Variants in SCHIP1 observed in about 807,000 individuals in gnomAD.
SCHIP1 encodes schwannomin interacting protein 1.
A neutral mutation model predicts 29.7 loss-of-function variants in SCHIP1; 8 were observed. That is an observed-to-expected ratio of 0.27 (90% CI 0.16 to 0.49). The LOEUF is 0.49. SCHIP1 is among the 20% of genes least tolerant of loss of function. SCHIP1 has a pLI of 0.99. For missense variants in SCHIP1, 193 were observed against 294.6 expected, an observed-to-expected ratio of 0.66 and a Z score of 2.52; for synonymous variants, 76 against 94.9, an observed-to-expected ratio of 0.80 and a Z score of 1.16.
the SCHIP1 span, among the ~76,000 whole-genome samples, chr3:159,592,943 AAC>A: frequency 5.3e-5 from 8 of 152,232 alleles, no homozygotes; most frequent in East Asian, 1.6e-3. Context: ...GACACAAATT[AAC>A]AGTTATCGAG....
the SCHIP1 span, among the ~76,000 whole-genome samples, chr3:159,615,867 G>A: frequency 2.0e-5 from 3 of 152,344 alleles, no homozygotes; most frequent in South Asian, 6.2e-4. Flanking sequence ...CAATGTACAT[G>A]TGCTGGAAAA....
chr3:159,703,525 T>C, the SCHIP1 span, among the ~76,000 whole-genome samples: 464 of 152,172 alleles, frequency 3.0e-3, 3 homozygotes, highest in Middle Eastern at 0.01. Context: ...CAGCAGGACA[T>C]ACCATAATAT....
the SCHIP1 span, among the ~76,000 whole-genome samples, chr3:159,575,173 C>T: frequency 2.0e-5 from 3 of 152,210 alleles, no homozygotes; most frequent in African/African-American, 4.8e-5. Context: ...AGAAATCACC[C>T]GTCTTCTTCG....
At chr3:159,619,328 C>T in the SCHIP1 span, among the ~76,000 whole-genome samples, 3 of 152,214 alleles carry the variant, frequency 2.0e-5, no homozygotes, top group Non-Finnish European at 4.4e-5. Context: ...CCAAAGATTG[C>T]TTCTCACCAA....
the SCHIP1 span, among the ~76,000 whole-genome samples, chr3:159,645,411 T>C: frequency 6.6e-6 from 1 of 152,236 alleles, no homozygotes; most frequent in East Asian, 1.9e-4. Flanking sequence ...TTGCCTTATA[T>C]CCTACAAAAA....
chr3:159,712,775 G>A, the SCHIP1 span, among the ~76,000 whole-genome samples: 1 of 150,908 alleles, frequency 6.6e-6, no homozygotes, highest in East Asian at 1.9e-4. Flanking sequence ...GGAAGAGAGA[G>A]AGGAAGAAAG....
At chr3:159,811,844 A>G in the SCHIP1 span, among the ~76,000 whole-genome samples, 1 of 152,148 alleles carries the variant, frequency 6.6e-6, no homozygotes, top group African/African-American at 2.4e-5. Context: ...TTTTATAGGA[A>G]TTATGTTGAA....
chr3:159,491,372 A>G, the SCHIP1 span, among the ~76,000 whole-genome samples: 2 of 152,236 alleles, frequency 1.3e-5, no homozygotes, highest in South Asian at 4.1e-4. Flanking sequence ...AAGGGGTGAC[A>G]AACGGCACCT....
the SCHIP1 span, among the ~76,000 whole-genome samples, chr3:159,369,601 T>A: frequency 6.6e-6 from 1 of 152,182 alleles, no homozygotes; most frequent in African/African-American, 2.4e-5. Context: ...ATATAGCTTT[T>A]AAATTCATAG....
At chr3:159,770,606 C>T in the SCHIP1 span, among the ~76,000 whole-genome samples, 5 of 152,144 alleles carry the variant, frequency 3.3e-5, no homozygotes, top group East Asian at 1.9e-4. Context: ...GAAATAAGAA[C>T]GGCTTGATCA....
the SCHIP1 span, among the ~76,000 whole-genome samples, chr3:159,288,518 A>G: frequency 4.6e-5 from 7 of 152,316 alleles, 1 homozygote; most frequent in African/African-American, 1.7e-4. Flanking sequence ...CGGGCGGATC[A>G]TCTGAGGTTG....
the SCHIP1 span, among the ~76,000 whole-genome samples, chr3:159,491,221 C>G: frequency 1.3e-5 from 2 of 152,190 alleles, no homozygotes; most frequent in Non-Finnish European, 2.9e-5. Context: ...ACTGAGGTAC[C>G]AGGTTCATCT....
At position 159,866,638 on chromosome 3, in the gene SCHIP1, A is replaced by T. The variant is rs943845934; in HGVS notation, c.149+357A>T. ...CAGACTACCAAATTTCCCATTAAGCAGTCCCAGATCACCCAGAATCACCCC... is the reference window on the plus strand; with the variant it reads ...CAGACTACCAAATTTCCCATTAAGCTGTCCCAGATCACCCAGAATCACCCC... On this transcript the variant is annotated intron_variant, in intron 2 of 6. Transcript: ENST00000445224. 3.3e-5 allele frequency among the ~76,000 whole-genome samples: 5 copies of T among 152,010 alleles called. No homozygotes were observed. In the East Asian group the frequency reaches 9.6e-4, roughly 29 times the overall value.
At chr3:159,759,136 A>G in the SCHIP1 span, among the ~76,000 whole-genome samples, 41 of 152,352 alleles carry the variant, frequency 2.7e-4, 1 homozygote, top group Middle Eastern at 3.4e-3. Context: ...AAATAAAAAC[A>G]TTTAATATGT....
chr3:159,566,852 G>A, the SCHIP1 span, among the ~76,000 whole-genome samples: 450 of 152,318 alleles, frequency 3.0e-3, 4 homozygotes, highest in African/African-American at 0.01. Context: ...TGTGTACCCA[G>A]GAAGTGGCAC....
the SCHIP1 span, chr3:159,765,076 G>C: frequency 6.4e-6 from 10 of 1,568,858 alleles, no homozygotes; most frequent in Non-Finnish European, 8.6e-6. Flanking sequence ...GCATCTGGCC[G>C]GGCTGCAGTT....
chr3:159,744,872 C>G, the SCHIP1 span, among the ~76,000 whole-genome samples: 1 of 152,180 alleles, frequency 6.6e-6, no homozygotes, highest in Non-Finnish European at 1.5e-5. Flanking sequence ...GTAGTCCCAG[C>G]TACTCGGGAG....
intron 1 of SCHIP1, chr3:159,853,292 A>G: frequency 1.6e-6 from 1 of 615,064 alleles, no homozygotes. Context: ...CAGTATGAGC[A>G]GTAACCAGGG....
At chr3:159,290,040 T>C in the SCHIP1 span, among the ~76,000 whole-genome samples, 5 of 152,224 alleles carry the variant, frequency 3.3e-5, no homozygotes, top group African/African-American at 1.2e-4. Context: ...CATGAGGCTA[T>C]GCTTGTCAAA....
Sources: allele counts gnomAD v4.1 joint callset (sites outside exome capture counted in the v4.1 genomes callset), GRCh38; gene constraint gnomAD v4.1.1; transcripts MANE v1.5; gene names NCBI Gene and HGNC (gene_info 2026-07-23, HGNC 2026-07-21).